Variants in SAXO1 observed in about 807,000 individuals in gnomAD.
SAXO1 encodes the protein stabilizer of axonemal microtubules 1, also known as 4930500O09Rik.
SAXO1 carries 21 observed loss-of-function variants against 17.5 expected under a neutral mutation model. The observed-to-expected ratio is 1.20, with a 90% CI of 0.85 to 1.72. The LOEUF is 1.72. SAXO1 is among the 40% of genes most tolerant of loss of function. The probability of loss-of-function intolerance (pLI) is 0.00; values close to 1 mark genes in which losing one functional copy is unlikely to be tolerated. For missense variants in SAXO1, 843 were observed against 596.0 expected (o/e 1.41, Z -4.32); for synonymous variants, 274 against 216.5 (o/e 1.27, Z -2.33).
chr9:19,027,714 A>T, intron 1 of SAXO1: 1 of 1,397,620 alleles, frequency 7.2e-7, no homozygotes, highest in Non-Finnish European at 1.0e-6. Context: ...ATAGGCACCA[A>T]GCACTTTGAC....
At chr9:18,938,930 A>G (rs1332289723) in intron 3 of SAXO1, among the ~76,000 whole-genome samples, 1 of 150,882 alleles carries the variant, frequency 6.6e-6, no homozygotes, top group Non-Finnish European at 1.5e-5. Context: ...CTACATATAG[A>G]CCTCCTCCAT....
chr9:19,038,864 A>G (rs1040466130), intron 1 of SAXO1, among the ~76,000 whole-genome samples: 3 of 152,168 alleles, frequency 2.0e-5, no homozygotes, highest in Non-Finnish European at 2.9e-5. Context: ...TAACTTGAAT[A>G]TCTTTGAAAC....
chr9:18,985,485 C>T (rs1199883122), intron 1 of SAXO1, among the ~76,000 whole-genome samples: 1 of 152,164 alleles, frequency 6.6e-6, no homozygotes, highest in Non-Finnish European at 1.5e-5. Context: ...GTGTAGCAAT[C>T]AGAGCTGGCT....
intron 3 of SAXO1, among the ~76,000 whole-genome samples, chr9:18,931,149 C>T (rs1183597958): frequency 6.6e-6 from 1 of 152,100 alleles, no homozygotes; most frequent in Non-Finnish European, 1.5e-5. Context: ...CCAAAAATAC[C>T]AATTATCTTC....
At chr9:19,030,508 A>G (rs1013244508) in intron 1 of SAXO1, among the ~76,000 whole-genome samples, 9 of 152,040 alleles carry the variant, frequency 5.9e-5, no homozygotes, top group African/African-American at 2.2e-4. Flanking sequence ...GGAGTTTAAG[A>G]CCAGCTGGCC....
In SAXO1 at chr9:18,928,702, C is replaced by T. The variant is rs749519527; in HGVS notation, c.775G>A (p.Ala259Thr). 25 of 1,614,032 alleles carry T rather than the reference C, an allele frequency of 1.5e-5. No homozygotes were observed. The highest frequency in any genetic ancestry group is 1.9e-5 in the Non-Finnish European group (23 of 1,180,040). Reference sequence around the variant, plus strand: ...GGCATGTCTAGCCCAGGAGGCCTGGCTAGAGGTTTCAAGCTCTTGGCAGGC... The same window carrying T: ...GGCATGTCTAGCCCAGGAGGCCTGGTTAGAGGTTTCAAGCTCTTGGCAGGC... ...GEPAKSLKPLARPPGLDMPFC... is the reference protein window; with the variant it reads ...GEPAKSLKPLTRPPGLDMPFC... Residue 259 changes from alanine to threonine, a missense_variant, in exon 4 of 4, where the codon GCC becomes ACC. Ala to Thr is a moderately conservative substitution (Grantham distance 58, BLOSUM62 0). Transcript: ENST00000380534.
At chr9:18,994,871 T>A (rs939358325) in intron 1 of SAXO1, among the ~76,000 whole-genome samples, 2 of 152,176 alleles carry the variant, frequency 1.3e-5, no homozygotes, top group Non-Finnish European at 2.9e-5. Flanking sequence ...GCTGCCAGCA[T>A]CTCCTCTACA....
intron 1 of SAXO1, among the ~76,000 whole-genome samples, chr9:19,024,395 G>C (rs146753631): frequency 0.01 from 1,511 of 149,336 alleles, 18 homozygotes; most frequent in African/African-American, 0.036. Context: ...TGAACAATGA[G>C]AACACATGGA....
In SAXO1 at chr9:18,938,206, C is replaced by G. The variant is rs141834918; in HGVS notation, c.421+3431G>C. On this transcript the variant is annotated intron_variant, in intron 3 of 3. Coordinates refer to ENST00000380534, the MANE Select transcript of SAXO1 (RefSeq NM_153707.4). ...AAACTGAGGAAGAAAATAGGATTTT[C>G]TCAATTTTAACTTTGTCAGTAGGGA... 1.6e-3 allele frequency among the ~76,000 whole-genome samples: 246 copies of G among 152,262 alleles called. 2 individuals carry two copies. In the East Asian group the frequency reaches 0.042, roughly 26 times the overall value.
chr9:18,959,343 C>T (rs1196881457), intron 1 of SAXO1, among the ~76,000 whole-genome samples: 1 of 152,000 alleles, frequency 6.6e-6, no homozygotes, highest in African/African-American at 2.4e-5. Context: ...CCTGGACTGG[C>T]AAGAAGGCAT....
rs1830832583 is a variant in SAXO1 at position 18,927,928 on chromosome 9, G to T, written c.*124C>A. The T allele has an allele frequency of 9.6e-7, 1 of 1,042,772 alleles. No homozygotes were observed. Among genetic ancestry groups the T allele is most frequent in the Non-Finnish European group, 1.4e-6 (1 of 726,628 alleles). The allele number at this position is 1,042,772 out of a possible 1,614,324, so 64.6% of individuals were successfully genotyped here. On this transcript the variant is annotated 3_prime_UTR_variant, in exon 4 of 4. Transcript: ENST00000380534. ...CTCATTTTATTCAAGTGCTCTGGAA[G>T]TGGTGAAGGTTTTTTGTTTTTTGTT...
upstream of SAXO1, among the ~76,000 whole-genome samples, chr9:19,035,843 T>C (rs1285350771): frequency 2.0e-5 from 3 of 152,164 alleles, no homozygotes; most frequent in Non-Finnish European, 4.4e-5. Context: ...ATTTAGGGTA[T>C]CTGGCAGACG....
intron 1 of SAXO1, among the ~76,000 whole-genome samples, chr9:18,974,435 G>A (rs370318383): frequency 3.3e-5 from 5 of 152,132 alleles, no homozygotes; most frequent in African/African-American, 1.2e-4. Flanking sequence ...ATCAGACCTT[G>A]GTTTCTAAAT....
chr9:18,941,718 C>A lies in SAXO1; in HGVS notation c.340G>T (p.Val114Phe). ...TYKKDYNPYPVCRVDPIKPRD... is the reference protein window; with the variant it reads ...TYKKDYNPYPFCRVDPIKPRD... ...GGTTTGATGGGGTCCACTCGACAGACAGGGTAGGGATTGTAATCTTTCTTA... is the reference window on the plus strand; with the variant it reads ...GGTTTGATGGGGTCCACTCGACAGAAAGGGTAGGGATTGTAATCTTTCTTA... Residue 114 changes from valine to phenylalanine, a missense_variant, in exon 3 of 4, where the codon GTC (valine) becomes TTC (phenylalanine). By Grantham distance (50) the Val-to-Phe change is conservative. Coordinates refer to ENST00000380534, the MANE Select transcript of SAXO1 (RefSeq NM_153707.4). 1 of 1,614,174 alleles carries A rather than the reference C, an allele frequency of 6.2e-7. No individual in the cohort carries two copies. Among genetic ancestry groups the A allele is most frequent in the Non-Finnish European group, 8.5e-7 (1 of 1,180,026 alleles).
At chr9:19,019,249 A>C (rs905806292) in intron 1 of SAXO1, among the ~76,000 whole-genome samples, 5 of 152,256 alleles carry the variant, frequency 3.3e-5, no homozygotes, top group Non-Finnish European at 7.3e-5. Flanking sequence ...ATTAAAATAA[A>C]TGCTCTTCTT....
intron 1 of SAXO1, among the ~76,000 whole-genome samples, chr9:18,971,143 G>A (rs10963882): frequency 5.3e-5 from 8 of 152,092 alleles, no homozygotes; most frequent in Admixed American, 1.3e-4. Context: ...ATTTTGCCCC[G>A]AGTGGGGCCT....
chr9:18,936,647 T>G (rs566746544), intron 3 of SAXO1, among the ~76,000 whole-genome samples: 116 of 152,284 alleles, frequency 7.6e-4, no homozygotes, highest in African/African-American at 2.6e-3. Context: ...CCTCAGAATT[T>G]CACATGACAA....
chr9:18,932,598 T>C (rs935413107), intron 3 of SAXO1, among the ~76,000 whole-genome samples: 1 of 152,206 alleles, frequency 6.6e-6, no homozygotes, highest in Non-Finnish European at 1.5e-5. Flanking sequence ...TTGATAGGAA[T>C]TGCATTGAAT....
intron 1 of SAXO1, among the ~76,000 whole-genome samples, chr9:18,984,220 G>T (rs991940020): frequency 6.6e-6 from 1 of 152,200 alleles, no homozygotes; most frequent in Non-Finnish European, 1.5e-5. Flanking sequence ...ATAGGGCATA[G>T]GCAGAGTAGA....
Sources: allele counts gnomAD v4.1 joint callset (sites outside exome capture counted in the v4.1 genomes callset), GRCh38; gene constraint gnomAD v4.1.1; transcripts MANE v1.5; gene names NCBI Gene and HGNC (gene_info 2026-07-23, HGNC 2026-07-21).